ING5: variants seen among roughly 807,000 people sequenced by gnomAD.
ING5 encodes the protein inhibitor of growth protein 5.
Under a neutral mutation model 37.4 loss-of-function variants are expected in ING5, and 17 were observed. The ratio of observed to expected loss-of-function variants is 0.45; its 90% confidence interval spans 0.31 to 0.68. The LOEUF is 0.68. ING5 is among the 30% of genes least tolerant of loss of function. The pLI, the probability that ING5 is intolerant of heterozygous loss-of-function variation, is 0.05. For missense variants in ING5, 233 were observed against 311.9 expected, an observed-to-expected ratio of 0.75 and a Z score of 1.91; for synonymous variants, 123 against 116.6, an observed-to-expected ratio of 1.06 and a Z score of -0.36.
rs149502131 is a variant in ING5, at chr2:241,722,749, G to T, written c.483-190G>T. ...GTCGCATTCATTTCTAAAGGACAAT[G>T]GGAAAAATGGAAGCAAGCTTATTCA... On this transcript the variant is annotated intron_variant, in intron 5 of 7. Transcript: ENST00000313552. 657 of 985,398 alleles carry T rather than the reference G, an allele frequency of 6.7e-4. 2 individuals carry two copies. In the African/African-American group the frequency reaches 0.011, roughly 16 times the overall value. 61.0% of individuals were successfully genotyped at this position (985,398 alleles called of 1,614,324 possible).
chr2:241,716,024 C>T (rs757834556), intron 5 of ING5, among the ~76,000 whole-genome samples: 2 of 152,006 alleles, frequency 1.3e-5, no homozygotes, highest in Admixed American at 6.6e-5. Context: ...AACTCCTGAC[C>T]TCAAATGATC....
intron 7 of ING5, among the ~76,000 whole-genome samples, chr2:241,724,435 A>G (rs571219764): frequency 9.9e-5 from 15 of 152,076 alleles, no homozygotes; most frequent in Non-Finnish European, 1.6e-4. Flanking sequence ...GGTTGCCGTC[A>G]TGCGAGTCGG....
At chr2:241,709,513 G>C (rs2070037449) in intron 3 of ING5, 131 bp downstream of exon 3, 4 of 794,400 alleles carry the variant, frequency 5.0e-6, no homozygotes, top group Middle Eastern at 3.9e-4. Context: ...GACGCTGCTG[G>C]AGGAAGTGCA....
At chr2:241,689,233 C>T (rs986942152) in intron 1 of ING5, among the ~76,000 whole-genome samples, 11 of 152,106 alleles carry the variant, frequency 7.2e-5, no homozygotes, top group Admixed American at 2.0e-4. Flanking sequence ...CTGCATCAAC[C>T]TCCCAAGTAG....
chr2:241,710,150 A>C (rs1366824788), intron 3 of ING5, among the ~76,000 whole-genome samples: 1 of 151,908 alleles, frequency 6.6e-6, no homozygotes, highest in African/African-American at 2.4e-5. Flanking sequence ...CTTGTTGCCC[A>C]GGCTGGAGTG....
At chr2:241,712,953 A>G (rs1191322329) in intron 5 of ING5, among the ~76,000 whole-genome samples, 2 of 151,140 alleles carry the variant, frequency 1.3e-5, no homozygotes, top group East Asian at 3.9e-4. Context: ...ATGAGCCACG[A>G]TCGCACCACT....
chr2:241,721,410 A>G (rs1214013167), intron 5 of ING5: 27 of 985,432 alleles, frequency 2.7e-5, no homozygotes, highest in Non-Finnish European at 3.1e-5. Context: ...AGAGCAGATT[A>G]CCTGCAAAGG....
At position 241,716,521 on chromosome 2, in the gene ING5, C is replaced by T. The variant is rs774447970; in HGVS notation, c.482+4450C>T. Among the ~76,000 whole-genome samples, 110 of 150,708 alleles carry T rather than the reference C, an allele frequency of 7.3e-4. 1 individual carries two copies. Among genetic ancestry groups the T allele is most frequent in the Non-Finnish European group, 2.1e-4 (14 of 67,960 alleles). ...TTTTGGCCAGGCTGGTCTCGAACCCCTGACCCCAAGTGATCCACCCACCTC... is the reference window on the plus strand; with the variant it reads ...TTTTGGCCAGGCTGGTCTCGAACCCTTGACCCCAAGTGATCCACCCACCTC... On this transcript the variant is annotated intron_variant, in intron 5 of 7. Coordinates refer to ENST00000313552, the MANE Select transcript of ING5 (RefSeq NM_032329.6).
At chr2:241,693,172 T>C (rs962622824) in intron 2 of ING5, among the ~76,000 whole-genome samples, 2 of 150,294 alleles carry the variant, frequency 1.3e-5, no homozygotes, top group African/African-American at 4.9e-5. Context: ...GGCAGGAGAA[T>C]TGCTTGAACC....
intron 5 of ING5, 156 bp from the exon 6 acceptor site, chr2:241,722,783 C>A (rs1309243085): frequency 1.0e-4 from 99 of 985,226 alleles, no homozygotes; most frequent in Admixed American, 1.2e-4. Context: ...CATTATGTGT[C>A]GCTCAGAGCA....
Position 241,725,146 on chromosome 2 carries a change from G to A in ING5, c.*115G>A, listed in dbSNP as rs906186476. The A allele has an allele frequency of 1.0e-5, 11 of 1,075,092 alleles. No homozygotes were observed. The highest frequency in any genetic ancestry group is 1.6e-5 in the Non-Finnish European group (11 of 705,460). The allele number at this position is 1,075,092 out of a possible 1,614,324, so 66.6% of individuals were successfully genotyped here. ...TCGGTTGATACTTAGTAACTCCGTG[G>A]CCAGTTGAAGCGCTGGATGTTTCCT... On this transcript the variant is annotated 3_prime_UTR_variant, in exon 8 of 8. Coordinates refer to ENST00000313552, the MANE Select transcript of ING5 (RefSeq NM_032329.6).
intron 5 of ING5, chr2:241,719,378 C>T (rs2070368167): frequency 1.5e-6 from 1 of 685,488 alleles, no homozygotes; most frequent in South Asian, 1.7e-5. Context: ...CCCAACACCC[C>T]CCACTCTGGC....
exon 1 of ING5, chr2:241,688,052 A>G (rs1344596916): frequency 6.6e-6 from 1 of 152,228 alleles, no homozygotes; most frequent in East Asian, 1.9e-4. Flanking sequence ...GGCTGCCTGG[A>G]CATTTCTCAG....
chr2:241,722,114 G>A (rs1328385430), intron 5 of ING5: 35 of 985,288 alleles, frequency 3.6e-5, no homozygotes, highest in Non-Finnish European at 4.1e-5. Flanking sequence ...TGGAGGGCCC[G>A]GGCGCAGGAC....
At chr2:241,690,533 G>C (rs755032542) in exon 2 of ING5, 1 of 398,016 alleles carries the variant, frequency 2.5e-6, no homozygotes, top group South Asian at 1.3e-4. Flanking sequence ...GAGGGTCTGC[G>C]TGGCTGAGCA....
At chr2:241,723,905 G>T in intron 7 of ING5, 1 of 1,337,322 alleles carries the variant, frequency 7.5e-7, no homozygotes, top group Non-Finnish European at 1.1e-6. Flanking sequence ...AACTACCTGG[G>T]AGGCGGAGGC....
At chr2:241,688,625 T>C (rs2069492321) in intron 1 of ING5, among the ~76,000 whole-genome samples, 2 of 152,194 alleles carry the variant, frequency 1.3e-5, no homozygotes, top group Admixed American at 1.3e-4. Flanking sequence ...TTTACTTTTA[T>C]TGCTTTTATT....
At chr2:241,687,214 G>T in exon 1 of ING5, 1 of 396,476 alleles carries the variant, frequency 2.5e-6, no homozygotes, top group South Asian at 1.3e-4. Flanking sequence ...CAGCGGGCCC[G>T]ACTCTCAGGG....
chr2:241,705,579 A>G (rs938923353), intron 2 of ING5, among the ~76,000 whole-genome samples: 5 of 147,706 alleles, frequency 3.4e-5, no homozygotes, highest in African/African-American at 5.0e-5. Flanking sequence ...TTGTATTTTT[A>G]GTAGAGACAG....
Sources: gnomAD v4.1 joint callset for allele counts (sites outside exome capture counted in the v4.1 genomes callset) on GRCh38, gnomAD v4.1.1 for gene constraint, MANE v1.5 for transcripts, NCBI Gene and HGNC (gene_info 2026-07-23, HGNC 2026-07-21) for gene names.